Variants in TIMELESS observed in about 807,000 individuals in gnomAD.
TIMELESS encodes the protein protein timeless homolog.
A neutral mutation model predicts 164.3 loss-of-function variants in TIMELESS; 124 were observed. The ratio of observed to expected loss-of-function variants is 0.75; its 90% CI spans 0.65 to 0.88. TIMELESS has a LOEUF of 0.88. Ranked by LOEUF, TIMELESS falls within the 40% of genes least tolerant of loss-of-function variation. The pLI is 0.00. For synonymous variants in TIMELESS, 564 were observed against 563.4 expected (o/e 1.00, Z -0.02); for missense variants, 1,422 against 1,491.4 (o/e 0.95, Z 0.77).
At chr12:56,418,454 G>A in intron 26 of TIMELESS, 95 bp from the exon 27 acceptor site, 1 of 839,328 alleles carries the variant, frequency 1.2e-6, no homozygotes, top group Non-Finnish European at 1.9e-6. Flanking sequence ...TATTGGTGAA[G>A]ATCCACAAGG....
rs1209975446 is a variant in TIMELESS, at chr12:56,416,960, G to A, written c.*756C>T. On this transcript the variant is annotated 3_prime_UTR_variant, in exon 29 of 29. Coordinates refer to ENST00000553532, the MANE Select transcript of TIMELESS (RefSeq NM_003920.5). ...GCCGGTCTCAAACTCCTGACCTCAG[G>A]TGATCCGCCCGCCTCAGCCTCCCAA... The A allele has an allele frequency of 6.6e-6, 1 of 152,102 alleles. No homozygotes were observed. Among genetic ancestry groups the A allele is most frequent in the Non-Finnish European group, 1.5e-5 (1 of 68,068 alleles). The allele number at this position is 152,102 out of a possible 1,614,324, so 9.4% of individuals were successfully genotyped here. A position where few individuals can be genotyped will look rare whatever the true frequency, so the allele number is the denominator to read the frequency against.
intron 22 of TIMELESS, 59 bp from the exon 23 acceptor site, chr12:56,421,552 A>C: frequency 6.4e-7 from 1 of 1,574,554 alleles, no homozygotes. Context: ...GAGTAAAATA[A>C]ATCAGAGGTC....
Position 56,420,597 on chromosome 12 carries a change from A to C in TIMELESS, c.3200T>G (p.Leu1067Arg). The C allele has an allele frequency of 6.2e-7, 1 of 1,614,250 alleles. No individual in the cohort carries two copies. The highest frequency in any genetic ancestry group is 8.5e-7 in the Non-Finnish European group (1 of 1,180,040). ...NEQFQQLLRK[L>R]GVRPPASGQE... is the part of the protein sequence containing the mutation. ...CCCAGAGGCAGGGGGCCGAACCCCT[A>C]GCTTGCGCAACAGCTGCTGAAACTG... Residue 1067 changes from leucine to arginine, a missense_variant, in exon 26 of 29, where the codon CTA (leucine) becomes CGA (arginine). Physicochemically the swap from Leu to Arg is moderately radical, Grantham distance 102. Coordinates refer to ENST00000553532, the MANE Select transcript of TIMELESS (RefSeq NM_003920.5).
At position 56,430,918 on chromosome 12, in the gene TIMELESS, C is replaced by T; in HGVS notation, c.872G>A (p.Gly291Glu). ...TTTGTGAAAGATGAGGTCCCTCTCC[C>T]CAATGGATTTCAACCCCTGGACAAT... ...SYIVQGLKSI[G>E]ERDLIFHKGL... The change falls in exon 9 of 29, where the codon GGG (glycine) becomes GAG (glutamate). Residue 291 changes from glycine to glutamate, a missense_variant. Transcript: ENST00000553532. 2 of 1,606,668 alleles carry T rather than the reference C, an allele frequency of 1.2e-6. No individual in the cohort carries two copies. The highest frequency in any genetic ancestry group is 1.7e-6 in the Non-Finnish European group (2 of 1,176,738).
intron 15 of TIMELESS, 88 bp from the exon 16 acceptor site, chr12:56,423,982 T>C: frequency 1.7e-6 from 2 of 1,200,670 alleles, no homozygotes; most frequent in Non-Finnish European, 2.4e-6. Context: ...TTTAGACTTA[T>C]TTCTTTTGTT....
chr12:56,421,740 G>C lies in TIMELESS; in HGVS notation c.2712C>G (p.Phe904Leu), dbSNP rs202063543. 143 of 1,613,970 alleles carry C rather than the reference G, an allele frequency of 8.9e-5. No individual in the cohort carries two copies. The highest frequency in any genetic ancestry group is 1.1e-4 in the Non-Finnish European group (133 of 1,180,012). The change falls in exon 22 of 29, where the codon TTC (phenylalanine) becomes TTG (leucine). Residue 904 changes from phenylalanine (F) to leucine (L), a missense_variant. Physicochemically the swap from Phe to Leu is conservative, Grantham distance 22. Coordinates refer to ENST00000553532, the MANE Select transcript of TIMELESS (RefSeq NM_003920.5). ...CAGCTTACTCACCATCTGAGTCCCGGAATTCCTCAAAAAGCCGCTGCAGCT... is the reference window on the plus strand; with the variant it reads ...CAGCTTACTCACCATCTGAGTCCCGCAATTCCTCAAAAAGCCGCTGCAGCT... The part of the protein sequence containing the change: ...ELELQRLFEE[F>L]RDSDDVLGHI...
At chr12:56,418,385 G>GGAAA (rs910642893) in intron 26 of TIMELESS, 26 bp from the exon 27 acceptor site, 10 of 1,540,014 alleles carry the variant, frequency 6.5e-6, no homozygotes, top group Non-Finnish European at 8.8e-6. Flanking sequence ...AGTTGAAAAG[G>GGAAA]GAAAGGACCA....
At position 56,448,594 on chromosome 12, in the gene TIMELESS, T is replaced by G. The variant is rs553217222; in HGVS notation, c.-62+716A>C. ...AAATACAAAAATTAGCCGGGCATGGTGGCGCGCGCCTGTAATCCCAGCTAC... is the reference window on the plus strand; with the variant it reads ...AAATACAAAAATTAGCCGGGCATGGGGGCGCGCGCCTGTAATCCCAGCTAC... On this transcript the variant is annotated intron_variant, in intron 1 of 28. Transcript: ENST00000553532. Among the ~76,000 whole-genome samples, 12 of 151,108 alleles carry G rather than the reference T, an allele frequency of 7.9e-5. No homozygotes were observed. In the East Asian group the frequency reaches 2.3e-3, roughly 29 times the overall value.
chr12:56,432,658 A>G, intron 6 of TIMELESS, 134 bp from the exon 7 acceptor site: 1 of 1,302,962 alleles, frequency 7.7e-7, no homozygotes, highest in South Asian at 1.5e-5. Flanking sequence ...CAAAAAGGGC[A>G]GCTTGGCCGG....
rs140250519 is a variant in TIMELESS at position 56,440,435 on chromosome 12, C to A, written c.-61-6204G>T. Among the ~76,000 whole-genome samples the A allele has an allele frequency of 3.8e-3, 584 of 152,274 alleles. 4 individuals carry two copies. The highest frequency in any genetic ancestry group is 0.013 in the African/African-American group (550 of 41,568). On this transcript the variant is annotated intron_variant, in intron 1 of 28. Transcript: ENST00000553532. ...ACCAGGCATGAGCCACTGCGCCCGA[C>A]CAAATAAACTTACTTTTTGAAGACG...
chr12:56,434,297 G>C, intron 1 of TIMELESS, 66 bp from the exon 2 acceptor site: 2 of 749,248 alleles, frequency 2.7e-6, no homozygotes, highest in Admixed American at 2.3e-5. Context: ...GGAACAGGAC[G>C]AGGCCCTAAT....
intron 19 of TIMELESS, 72 bp from the exon 20 acceptor site, chr12:56,422,263 A>C (rs1307671819): frequency 2.2e-6 from 3 of 1,383,160 alleles, no homozygotes; most frequent in South Asian, 2.3e-5. Context: ...GCCTTCTCTG[A>C]TCAGTTCTGA....
chr12:56,449,176 T>G (rs534890714), intron 1 of TIMELESS, 134 bp downstream of exon 1: 1 of 152,490 alleles, frequency 6.6e-6, no homozygotes, highest in Non-Finnish European at 1.5e-5. Flanking sequence ...CGTGCGCGCC[T>G]GCAGCACGAG....
At chr12:56,429,157 T>C (rs909041305) in intron 10 of TIMELESS, 57 bp from the exon 11 acceptor site, 1 of 1,470,320 alleles carries the variant, frequency 6.8e-7, no homozygotes, top group Non-Finnish European at 9.2e-7. Flanking sequence ...TCCAACTTCT[T>C]CCTTCCTGTC....
rs766011673 is a variant in TIMELESS at position 56,422,191 on chromosome 12, C to A, written c.2439G>T (p.Arg813Ser). 2 of 1,613,810 alleles carry A rather than the reference C, an allele frequency of 1.2e-6. No individual in the cohort carries two copies. Among genetic ancestry groups the A allele is most frequent in the South Asian group, 1.1e-5 (1 of 91,050 alleles). Residue 813 changes from arginine to serine, a missense_variant and splice_region_variant, in exon 20 of 29, where the codon AGG (arginine) becomes AGT (serine). Transcript: ENST00000553532. ...ATGTAGGTGCTCTGCGACTGGAAGA[C>A]CTGAATGGTGAAAGGAGAAAGGGAG... ...MTEGYGSLDDRSSSRRAPTWS... is the reference protein window; with the variant it reads ...MTEGYGSLDDSSSSRRAPTWS...
At chr12:56,420,785 C>T (rs750201232) in intron 25 of TIMELESS, 28 bp downstream of exon 25, 16 of 1,613,986 alleles carry the variant, frequency 9.9e-6, no homozygotes, top group Middle Eastern at 1.7e-4. Flanking sequence ...CAGGGCTCTT[C>T]TCCTAAAAGT....
chr12:56,433,739 C>A, intron 3 of TIMELESS, 34 bp downstream of exon 3: 4 of 1,613,566 alleles, frequency 2.5e-6, no homozygotes, highest in Non-Finnish European at 3.4e-6. Context: ...CAAAGCCTGG[C>A]AGGTGGCAAA....
intron 26 of TIMELESS, among the ~76,000 whole-genome samples, chr12:56,420,029 A>AAAAATAT (rs1555176447): frequency 9.3e-5 from 7 of 75,184 alleles, no homozygotes; most frequent in South Asian, 5.1e-4. Context: ...AAAAAAAAAA[A>AAAAATAT]ATATATATAT....
chr12:56,441,602 G>A (rs1868274627), intron 1 of TIMELESS, among the ~76,000 whole-genome samples: 1 of 152,088 alleles, frequency 6.6e-6, no homozygotes, highest in African/African-American at 2.4e-5. Flanking sequence ...ACTCCAGCCT[G>A]GGTAACAGAG....
Sources: gnomAD v4.1 joint callset for allele counts (sites outside exome capture counted in the v4.1 genomes callset) on GRCh38, gnomAD v4.1.1 for gene constraint, MANE v1.5 for transcripts, NCBI Gene and HGNC (gene_info 2026-07-23, HGNC 2026-07-21) for gene names.